The following SRGAP3 variants were observed in gnomAD, a reference collection of about 807,000 sequenced individuals.
SRGAP3 encodes SLIT-ROBO Rho GTPase-activating protein 3.
In SRGAP3, 39 loss-of-function variants were observed where a neutral mutation model predicts 121.1. The ratio of observed to expected loss-of-function variants is 0.32; its 90% CI spans 0.25 to 0.42. The LOEUF (loss-of-function observed/expected upper bound fraction) is 0.42, where lower values mean the gene tolerates loss of function less well. Among genes scored for constraint, SRGAP3 ranks in the 10% least tolerant of loss-of-function variants. The pLI, the probability that SRGAP3 is intolerant of heterozygous loss-of-function variation, is 1.00. For missense variants in SRGAP3, 1,213 were observed against 1,470.6 expected, an observed-to-expected ratio of 0.82 and a Z score of 2.86; for synonymous variants, 601 against 570.0, an observed-to-expected ratio of 1.05 and a Z score of -0.77.
At chr3:8,995,896 C>G (rs1479150163) in intron 18 of SRGAP3, among the ~76,000 whole-genome samples, 1 of 152,172 alleles carries the variant, frequency 6.6e-6, no homozygotes, top group African/African-American at 2.4e-5. Flanking sequence ...ACAAAAGCAA[C>G]CCCTGCCCTC....
intron 1 of SRGAP3, among the ~76,000 whole-genome samples, chr3:9,177,756 T>G (rs452714): frequency 0.35 from 53,245 of 151,958 alleles, 9,282 homozygotes; most frequent in East Asian, 0.37. Context: ...CACCTCCCAT[T>G]CTTACTCCTT....
At chr3:9,231,702 C>G (rs1003339962) in intron 1 of SRGAP3, among the ~76,000 whole-genome samples, 3 of 152,156 alleles carry the variant, frequency 2.0e-5, no homozygotes, top group African/African-American at 7.2e-5. Flanking sequence ...GGGACAGACA[C>G]ATAAACAACC....
chr3:9,340,064 C>T (rs1343067936), intron 1 of SRGAP3, among the ~76,000 whole-genome samples: 1 of 152,108 alleles, frequency 6.6e-6, no homozygotes, highest in Admixed American at 6.6e-5. Context: ...GAGTGAAGCA[C>T]AAGCAGTTCA....
At chr3:9,054,950 T>A (rs1945748598) in intron 8 of SRGAP3, among the ~76,000 whole-genome samples, 1 of 152,232 alleles carries the variant, frequency 6.6e-6, no homozygotes, top group Non-Finnish European at 1.5e-5. Flanking sequence ...TAGCAGCTCA[T>A]ACAGAAGAAC....
chr3:8,996,816 C>T (rs866323736), intron 18 of SRGAP3, among the ~76,000 whole-genome samples: 1 of 152,180 alleles, frequency 6.6e-6, no homozygotes, highest in South Asian at 2.1e-4. Context: ...CTCCTGGGTT[C>T]GCCCAGGGAC....
rs916542163 is a variant in SRGAP3, at chr3:9,108,772, G to A, written c.261-3930C>T. Among the ~76,000 whole-genome samples, 5 of 152,310 alleles carry A rather than the reference G, an allele frequency of 3.3e-5. 1 individual carries two copies. The highest frequency in any genetic ancestry group is 3.3e-4 in the Admixed American group (5 of 15,298). ...GTAGGTGGGTGGGTGGATGAGCAGG[G>A]ATATGGGGCTTTTGGTAAGAGGACC... On this transcript the variant is annotated intron_variant, in intron 2 of 21. Transcript: ENST00000383836.
At chr3:9,299,657 C>G (rs1955015288) in intron 3 of SRGAP3, among the ~76,000 whole-genome samples, 1 of 152,192 alleles carries the variant, frequency 6.6e-6, no homozygotes, top group South Asian at 2.1e-4. Context: ...CGCCTGTAAT[C>G]CCAGCACTTT....
intron 3 of SRGAP3, among the ~76,000 whole-genome samples, chr3:9,102,160 C>T (rs755626491): frequency 2.0e-5 from 3 of 152,200 alleles, no homozygotes; most frequent in African/African-American, 4.8e-5. Flanking sequence ...GGTTTCTATT[C>T]TTAGGGATCA....
chr3:9,098,839 T>C (rs1444119596), intron 3 of SRGAP3, among the ~76,000 whole-genome samples: 1 of 152,180 alleles, frequency 6.6e-6, no homozygotes, highest in Non-Finnish European at 1.5e-5. Context: ...ATTAAATGAG[T>C]TGGGAGTGCC....
intron 3 of SRGAP3, among the ~76,000 whole-genome samples, chr3:9,279,834 A>G (rs561961843): frequency 1.3e-5 from 2 of 152,256 alleles, no homozygotes; most frequent in South Asian, 4.2e-4. Context: ...GATCGTGGCA[A>G]ATGCAGAGGG....
intron 1 of SRGAP3, among the ~76,000 whole-genome samples, chr3:9,133,074 A>T (rs190320673): frequency 3.3e-5 from 5 of 149,750 alleles, no homozygotes; most frequent in Non-Finnish European, 5.9e-5. Context: ...AAGAGAGAAT[A>T]TCTATATATA....
intron 3 of SRGAP3, among the ~76,000 whole-genome samples, chr3:9,278,312 G>A (rs1338676960): frequency 1.3e-5 from 2 of 152,108 alleles, no homozygotes; most frequent in Non-Finnish European, 2.9e-5. Context: ...AAAAGCAAGG[G>A]ACAAGAGGCC....
At chr3:9,020,169 T>C (rs1459399858) in intron 14 of SRGAP3, among the ~76,000 whole-genome samples, 2 of 152,180 alleles carry the variant, frequency 1.3e-5, no homozygotes, top group Non-Finnish European at 2.9e-5. Flanking sequence ...AGCTCCAAGG[T>C]CTCATAATCC....
chr3:9,106,837 A>G (rs1478855644), intron 2 of SRGAP3, among the ~76,000 whole-genome samples: 1 of 151,876 alleles, frequency 6.6e-6, no homozygotes, highest in South Asian at 2.1e-4. Context: ...TAATACAGCA[A>G]TTCTGCTGAC....
At chr3:9,200,468 G>A (rs1053947710) in intron 1 of SRGAP3, among the ~76,000 whole-genome samples, 1 of 152,188 alleles carries the variant, frequency 6.6e-6, no homozygotes, top group Non-Finnish European at 1.5e-5. Context: ...CATAGTAAAT[G>A]TGAGTAGTGC....
chr3:9,149,158 G>A (rs1950125328), intron 1 of SRGAP3, among the ~76,000 whole-genome samples: 2 of 148,930 alleles, frequency 1.3e-5, no homozygotes, highest in African/African-American at 5.0e-5. Flanking sequence ...AGGTTGCAGT[G>A]AGCCGAGATC....
chr3:9,140,545 T>G (rs969433972), intron 1 of SRGAP3, among the ~76,000 whole-genome samples: 1 of 152,222 alleles, frequency 6.6e-6, no homozygotes, highest in African/African-American at 2.4e-5. Flanking sequence ...AGCCAAGGCT[T>G]AGCAGACTTT....
intron 3 of SRGAP3, among the ~76,000 whole-genome samples, chr3:9,273,058 C>T (rs1404338377): frequency 1.3e-5 from 2 of 152,072 alleles, no homozygotes; most frequent in African/African-American, 2.4e-5. Flanking sequence ...TTTCCAAGGA[C>T]GAGGTTGCAA....
chr3:9,259,802 T>A lies in SRGAP3; in HGVS notation n.442+66208A>T, dbSNP rs1954214893. Among the ~76,000 whole-genome samples, 5 of 146,940 alleles carry A rather than the reference T, an allele frequency of 3.4e-5. No homozygotes were observed. The South Asian group carries it at 1.1e-3, about 33-fold the overall frequency. On this transcript the variant is annotated intron_variant and non_coding_transcript_variant, in intron 3 of 3. Coordinates refer to the SRGAP3 transcript ENST00000490889. ...AAGTGTGACTGCAGAATTCAATTTT[T>A]AGGTTGGCTTCATTTAATGAGTTTA...
Sources: allele counts gnomAD v4.1 joint callset (sites outside exome capture counted in the v4.1 genomes callset), GRCh38; gene constraint gnomAD v4.1.1; transcripts MANE v1.5; gene names NCBI Gene and HGNC (gene_info 2026-07-23, HGNC 2026-07-21).